The following PHTF2 variants were observed in gnomAD, a reference collection of about 807,000 sequenced individuals.
PHTF2 encodes the protein protein PHTF2.
A neutral mutation model predicts 101.2 loss-of-function variants in PHTF2; 60 were observed. The observed-to-expected ratio is 0.59, with a 90% CI of 0.48 to 0.73. PHTF2 has a LOEUF of 0.73. Among genes scored for constraint, PHTF2 ranks in the 30% least tolerant of loss-of-function variants. The pLI is 0.00. For synonymous variants in PHTF2, 311 were observed against 307.3 expected (o/e 1.01, Z -0.13); for missense variants, 747 against 908.7 (o/e 0.82, Z 2.29).
chr7:77,918,099 G>A (rs943289786), intron 9 of PHTF2, among the ~76,000 whole-genome samples: 6 of 152,122 alleles, frequency 3.9e-5, no homozygotes, highest in South Asian at 4.1e-4. Flanking sequence ...CTGCTTTCAC[G>A]TAGTATTTAC....
chr7:77,931,959 G>A (rs1047238265), intron 12 of PHTF2, among the ~76,000 whole-genome samples: 5 of 152,096 alleles, frequency 3.3e-5, no homozygotes, highest in Non-Finnish European at 4.4e-5. Flanking sequence ...AATTAGCCAG[G>A]CGTGGTGACA....
At position 77,949,480 on chromosome 7, in the gene PHTF2, G is replaced by T. The variant is rs187486599; in HGVS notation, c.1960-198G>T. Among the ~76,000 whole-genome samples the T allele has an allele frequency of 4.4e-3, 672 of 152,104 alleles. 3 individuals carry two copies. The highest frequency in any genetic ancestry group is 6.6e-3 in the Non-Finnish European group (446 of 67,932). On this transcript the variant is annotated intron_variant, in intron 16 of 19. Coordinates refer to ENST00000416283, the Ensembl canonical transcript of PHTF2. ...GAGATGTTGCAAAATATTAAGATTT[G>T]ACAAAACTGGGTAGAGGCCCCATGG...
intron 16 of PHTF2, among the ~76,000 whole-genome samples, chr7:77,947,428 T>G (rs1413220324): frequency 6.6e-6 from 1 of 151,768 alleles, no homozygotes; most frequent in Non-Finnish European, 1.5e-5. Flanking sequence ...CCCGTCGCGG[T>G]GGTCCATGCC....
chr7:77,865,339 C>T (rs956676451), intron 3 of PHTF2, among the ~76,000 whole-genome samples: 16 of 152,072 alleles, frequency 1.1e-4, no homozygotes, highest in African/African-American at 3.6e-4. Context: ...GATTCTCCTG[C>T]CTCAGCCCCC....
chr7:77,836,026 G>A (rs1795433147), intron 1 of PHTF2, among the ~76,000 whole-genome samples: 1 of 147,920 alleles, frequency 6.8e-6, no homozygotes, highest in Non-Finnish European at 1.5e-5. Flanking sequence ...GTTGAGGCAG[G>A]AGAATCGCTT....
At chr7:77,953,717 G>T in intron 18 of PHTF2, 52 bp from the exon 18 acceptor site, 1 of 1,543,708 alleles carries the variant, frequency 6.5e-7, no homozygotes, top group Non-Finnish European at 8.9e-7. Context: ...TTCTGAATTA[G>T]CTTAGTAATT....
chr7:77,835,448 C>A (rs1288644750), intron 1 of PHTF2, among the ~76,000 whole-genome samples: 1 of 151,978 alleles, frequency 6.6e-6, no homozygotes, highest in African/African-American at 2.4e-5. Context: ...GAGAGTCATG[C>A]CAGAACAGAC....
At chr7:77,852,899 A>G (rs1299740382) in intron 2 of PHTF2, among the ~76,000 whole-genome samples, 1 of 152,180 alleles carries the variant, frequency 6.6e-6, no homozygotes, top group Non-Finnish European at 1.5e-5. Context: ...TAAATATGTC[A>G]TGCCACTCTC....
At chr7:77,941,235 TAATC>T (rs919215235) in intron 15 of PHTF2, among the ~76,000 whole-genome samples, 20 of 152,312 alleles carry the variant, frequency 1.3e-4, no homozygotes, top group African/African-American at 4.3e-4. Context: ...TTTGAAATAA[TAATC>T]AAAGAAGCCC....
intron 2 of PHTF2, among the ~76,000 whole-genome samples, chr7:77,843,024 A>C: frequency 6.6e-6 from 1 of 152,142 alleles, no homozygotes; most frequent in Non-Finnish European, 1.5e-5. Flanking sequence ...GAATAACACC[A>C]TTTTTAAAAA....
rs1011783433 is a variant in PHTF2 at position 77,818,029 on chromosome 7, C to A, written c.-36+19058C>A. On this transcript the variant is annotated intron_variant, in intron 1 of 19. Coordinates refer to ENST00000416283, the Ensembl canonical transcript of PHTF2. ...GGAGGCTGAGGCAGGAGAATCTCTT[C>A]AAACTGGAAGGTGGAAGTTGCAGTG... Among the ~76,000 whole-genome samples the A allele has an allele frequency of 2.7e-5, 4 of 150,152 alleles. No individual in the cohort carries two copies. The South Asian group carries it at 6.4e-4, about 24-fold the overall frequency.
intron 6 of PHTF2, among the ~76,000 whole-genome samples, chr7:77,901,255 ATATC>A (rs1267738214): frequency 1.3e-5 from 2 of 152,224 alleles, no homozygotes; most frequent in Non-Finnish European, 2.9e-5. Context: ...ACTATATCAG[ATATC>A]TATCTGTCTG....
chr7:77,840,334 A>G (rs1349074878), intron 2 of PHTF2, 34 bp downstream of exon 2: 2 of 1,390,784 alleles, frequency 1.4e-6, no homozygotes, highest in Middle Eastern at 1.8e-4. Flanking sequence ...AGCTTTCTAA[A>G]TGTTTGAATT....
chr7:77,869,827 T>G (rs888155481), intron 3 of PHTF2, among the ~76,000 whole-genome samples: 3 of 152,202 alleles, frequency 2.0e-5, no homozygotes, highest in Non-Finnish European at 4.4e-5. Flanking sequence ...GTTGAGTTTT[T>G]TTGTTGTTGC....
At chr7:77,893,003 T>A (rs188134488) in intron 3 of PHTF2, among the ~76,000 whole-genome samples, 178 of 152,310 alleles carry the variant, frequency 1.2e-3, no homozygotes, top group African/African-American at 4.2e-3. Context: ...TCCCCAAATA[T>A]AACAGAGCTG....
chr7:77,850,809 G>A (rs1400915141), intron 2 of PHTF2, among the ~76,000 whole-genome samples: 1 of 151,976 alleles, frequency 6.6e-6, no homozygotes, highest in Non-Finnish European at 1.5e-5. Flanking sequence ...ATCATATATG[G>A]CTTTTATTGT....
chr7:77,845,313 A>G (rs894403933), intron 2 of PHTF2, among the ~76,000 whole-genome samples: 5 of 152,216 alleles, frequency 3.3e-5, no homozygotes, highest in African/African-American at 1.2e-4. Context: ...TGGCTTAGAA[A>G]AACTCCCCAA....
At chr7:77,801,318 G>A (rs981294447) in intron 1 of PHTF2, among the ~76,000 whole-genome samples, 1 of 152,206 alleles carries the variant, frequency 6.6e-6, no homozygotes, top group Admixed American at 6.5e-5. Flanking sequence ...GGGTGCGGTG[G>A]CTCACGCCCG....
intron 5 of PHTF2, among the ~76,000 whole-genome samples, chr7:77,897,962 G>A (rs184429477): frequency 6.7e-5 from 10 of 149,092 alleles, no homozygotes; most frequent in African/African-American, 9.8e-5. Context: ...GATTACAGGC[G>A]TGAACCACCT....
Sources: allele counts gnomAD v4.1 joint callset (sites outside exome capture counted in the v4.1 genomes callset), GRCh38; gene constraint gnomAD v4.1.1; transcripts MANE v1.5; gene names NCBI Gene and HGNC (gene_info 2026-07-23, HGNC 2026-07-21).